The following DMD variants were observed in gnomAD, a reference collection of about 807,000 sequenced individuals.
DMD encodes dystrophin.
In DMD, 63 loss-of-function variants were observed where a neutral mutation model predicts 330.1. That is an observed-to-expected ratio of 0.19 (90% confidence interval 0.16 to 0.24). DMD has a LOEUF of 0.24. DMD is among the 10% of genes least tolerant of loss of function. DMD has a pLI of 1.00. For synonymous variants in DMD, 1,223 were observed against 959.8 expected, an observed-to-expected ratio of 1.27 and a Z score of -5.07; for missense variants, 3,344 against 2,684.1, an observed-to-expected ratio of 1.25 and a Z score of -5.43.
chrX:33,060,344 C>T (rs2094567391), intron 1 of DMD, among the ~76,000 whole-genome samples: 1 of 110,904 alleles, frequency 9.0e-6, no homozygotes, highest in Non-Finnish European at 1.9e-5. Flanking sequence ...AATCAAATAC[C>T]AAGGATGAGT....
intron 55 of DMD, among the ~76,000 whole-genome samples, chrX:31,596,204 A>G (rs2077106465): frequency 8.9e-6 from 1 of 112,007 alleles, no homozygotes; most frequent in African/African-American, 3.2e-5. Flanking sequence ...AAGTAAACAT[A>G]CATAATTAAA....
chrX:32,384,389 G>A (rs2147524759), intron 33 of DMD, among the ~76,000 whole-genome samples: 2 of 91,706 alleles, frequency 2.2e-5, no homozygotes, highest in South Asian at 3.8e-4. Flanking sequence ...AAGGTACCTT[G>A]GTAGACCAAA....
chrX:33,007,963 A>G (rs1054293527), intron 2 of DMD, among the ~76,000 whole-genome samples: 1 of 111,431 alleles, frequency 9.0e-6, no homozygotes, highest in Non-Finnish European at 1.9e-5. Context: ...AATCAAAGAA[A>G]GAAACATTTA....
intron 62 of DMD, among the ~76,000 whole-genome samples, chrX:31,296,662 T>C (rs1044033165): frequency 1.8e-5 from 2 of 111,861 alleles, no homozygotes; most frequent in African/African-American, 6.5e-5. Flanking sequence ...AGAATTACAG[T>C]TGGACAAGTG....
intron 44 of DMD, among the ~76,000 whole-genome samples, chrX:32,003,889 T>C (rs1190752558): frequency 1.8e-5 from 2 of 111,153 alleles, no homozygotes; most frequent in Non-Finnish European, 3.8e-5. Flanking sequence ...AGATGCTGCG[T>C]GGGGGTTAAA....
intron 72 of DMD, 65 bp downstream of exon 72, chrX:31,173,474 T>C (rs2040204338): frequency 9.0e-7 from 1 of 1,111,602 alleles, no homozygotes; most frequent in Non-Finnish European, 1.2e-6. Context: ...TAAAATATCA[T>C]AGGTTAGCTT....
chrX:32,451,368 G>T (rs2098329268), intron 26 of DMD, among the ~76,000 whole-genome samples: 1 of 110,179 alleles, frequency 9.1e-6, no homozygotes, highest in Non-Finnish European at 1.9e-5. Context: ...GTTCTGGTAA[G>T]CACTAGTACT....
chrX:31,362,345 A>AT (rs1378194315), intron 60 of DMD, among the ~76,000 whole-genome samples: 3 of 111,964 alleles, frequency 2.7e-5, no homozygotes, highest in African/African-American at 9.7e-5. Context: ...TTCACACCTG[A>AT]CCTCATGTGA....
At chrX:32,074,893 C>T (rs1288795180) in intron 44 of DMD, among the ~76,000 whole-genome samples, 1 of 110,143 alleles carries the variant, frequency 9.1e-6, no homozygotes, top group Admixed American at 9.8e-5. Flanking sequence ...ACAACAACAA[C>T]GACAACAACA....
intron 21 of DMD, among the ~76,000 whole-genome samples, chrX:32,478,924 G>T (rs2041526596): frequency 9.0e-6 from 1 of 110,702 alleles, no homozygotes; most frequent in Non-Finnish European, 1.9e-5. Flanking sequence ...TGAAATTGGG[G>T]TCATTTTCAT....
intron 55 of DMD, among the ~76,000 whole-genome samples, chrX:31,600,424 T>C (rs1348159091): frequency 1.8e-5 from 2 of 110,662 alleles, no homozygotes; most frequent in East Asian, 2.8e-4. Context: ...GTGCCTAAAA[T>C]TGTTAGTAAA....
At chrX:32,566,269 G>T (rs186287422) in intron 15 of DMD, among the ~76,000 whole-genome samples, 1 of 111,915 alleles carries the variant, frequency 8.9e-6, no homozygotes, top group East Asian at 2.8e-4. Flanking sequence ...GAATTCAAAC[G>T]AAAACTGACA....
At chrX:32,957,498 G>T (rs2091658809) in intron 2 of DMD, among the ~76,000 whole-genome samples, 1 of 111,356 alleles carries the variant, frequency 9.0e-6, no homozygotes, top group Admixed American at 9.6e-5. Context: ...TTGGTTTGTG[G>T]TCAAGATGGT....
intron 7 of DMD, among the ~76,000 whole-genome samples, chrX:32,775,856 G>A (rs886193495): frequency 6.2e-5 from 7 of 112,688 alleles, no homozygotes; most frequent in African/African-American, 2.3e-4. Flanking sequence ...TAGAAAATGG[G>A]TTTTTCTTTT....
chrX:33,232,559 A>T (rs2052406437), intron 1 of DMD, among the ~76,000 whole-genome samples: 1 of 111,644 alleles, frequency 9.0e-6, no homozygotes, highest in Non-Finnish European at 1.9e-5. Flanking sequence ...GTTCAACTTC[A>T]CTTGGTTGTA....
intron 50 of DMD, among the ~76,000 whole-genome samples, chrX:31,809,905 G>A (rs923378916): frequency 1.8e-5 from 2 of 111,229 alleles, no homozygotes; most frequent in Non-Finnish European, 3.8e-5. Context: ...ATGCTGAAGA[G>A]CACTGAAATT....
chrX:31,767,222 G>A (rs1426951533), intron 51 of DMD, among the ~76,000 whole-genome samples: 1 of 111,623 alleles, frequency 9.0e-6, no homozygotes, highest in African/African-American at 3.3e-5. Context: ...AAACAAGTTT[G>A]TGCAGAAATG....
chrX:31,537,276 G>T (rs2073478136), intron 55 of DMD, among the ~76,000 whole-genome samples: 1 of 111,539 alleles, frequency 9.0e-6, no homozygotes, highest in Non-Finnish European at 1.9e-5. Context: ...CACGAACCTA[G>T]TCTGTCTCCT....
rs554711920 is a variant in DMD, at chrX:31,591,805, C to G, written c.8217+35868G>C. 5.8e-4 allele frequency among the ~76,000 whole-genome samples: 64 copies of G among 110,813 alleles called. No homozygotes were observed. The South Asian group carries it at 0.023, about 41-fold the overall frequency. On this transcript the variant is annotated intron_variant, in intron 55 of 78. Transcript: ENST00000357033. ...TTTTAATTGTATTTCTGATTTTTTT[C>G]TGAAGTTAAGAGCAAAGTAGACTGA...
Sources: gnomAD v4.1 joint callset for allele counts (sites outside exome capture counted in the v4.1 genomes callset) on GRCh38, gnomAD v4.1.1 for gene constraint, MANE v1.5 for transcripts, NCBI Gene and HGNC (gene_info 2026-07-23, HGNC 2026-07-21) for gene names.